CBFA2T3: variants seen among roughly 807,000 people sequenced by gnomAD.
The protein encoded by CBFA2T3 is transcriptional corepressor CBFA2T3.
CBFA2T3 carries 31 observed loss-of-function variants against 58.6 expected under a neutral mutation model. The ratio of observed to expected loss-of-function variants is 0.53; its 90% CI spans 0.40 to 0.71. CBFA2T3 has a LOEUF of 0.71. Among genes scored for constraint, CBFA2T3 ranks in the 30% least tolerant of loss-of-function variants. The pLI, the probability that CBFA2T3 is intolerant of heterozygous loss-of-function variation, is 0.00. For synonymous variants in CBFA2T3, 531 were observed against 421.9 expected (o/e 1.26, Z -3.17); for missense variants, 1,076 against 963.1 (o/e 1.12, Z -1.55).
At chr16:88,914,096 C>T (rs1245177043) in intron 1 of CBFA2T3, among the ~76,000 whole-genome samples, 1 of 152,212 alleles carries the variant, frequency 6.6e-6, no homozygotes, top group African/African-American at 2.4e-5. Flanking sequence ...AAAGGACAGG[C>T]CCACCAAGTA....
intron 1 of CBFA2T3, among the ~76,000 whole-genome samples, chr16:88,932,647 TAAGTA>T (rs1971350920): frequency 6.8e-6 from 1 of 146,312 alleles, no homozygotes; most frequent in African/African-American, 2.6e-5. Flanking sequence ...ACCCCGACTA[TAAGTA>T]AAGGGAAAAA....
At chr16:88,879,208 G>T (rs1174313109) in intron 11 of CBFA2T3, 62 bp downstream of exon 11, 1 of 1,397,772 alleles carries the variant, frequency 7.2e-7, no homozygotes, top group Non-Finnish European at 9.8e-7. Context: ...TCATGGGGGT[G>T]GCGTGGGACC....
chr16:88,919,182 C>G (rs914187116), intron 1 of CBFA2T3, among the ~76,000 whole-genome samples: 2 of 151,796 alleles, frequency 1.3e-5, no homozygotes, highest in African/African-American at 2.4e-5. Context: ...TCTCCTCTGC[C>G]TTTGCCTCTT....
Position 88,953,714 on chromosome 16 carries a change from G to A in CBFA2T3, c.151+22943C>T, listed in dbSNP as rs74033217. 0.03 allele frequency among the ~76,000 whole-genome samples: 4,555 copies of A among 152,244 alleles called. 239 individuals carry two copies. Among genetic ancestry groups the A allele is most frequent in the African/African-American group, 0.1 (4,332 of 41,504 alleles). On this transcript the variant is annotated intron_variant, in intron 1 of 11. Transcript: ENST00000268679. The surrounding 1 kb of genome is among the most constrained non-coding windows in gnomAD (Gnocchi z 4.9). ...GTATTCGGCACCCTGAGACCCTTAT[G>A]TCTGCCTATTGAAGGCACAGTTTAC...
At chr16:88,897,399 T>A (rs1432109771) in intron 3 of CBFA2T3, among the ~76,000 whole-genome samples, 1 of 152,228 alleles carries the variant, frequency 6.6e-6, no homozygotes, top group Non-Finnish European at 1.5e-5. Flanking sequence ...CCGGAGTCTG[T>A]CTGATGGGCT....
intron 1 of CBFA2T3, among the ~76,000 whole-genome samples, chr16:88,929,939 C>G (rs1226263418): frequency 6.7e-6 from 1 of 148,174 alleles, no homozygotes; most frequent in Non-Finnish European, 1.5e-5. Flanking sequence ...CCAATACCCA[C>G]AGCTGCATGG....
intron 5 of CBFA2T3, among the ~76,000 whole-genome samples, chr16:88,888,724 T>C (rs1393557691): frequency 2.0e-5 from 3 of 151,292 alleles, no homozygotes; most frequent in Non-Finnish European, 4.4e-5. Flanking sequence ...TATTTTTTAT[T>C]TTTGAATCCT....
Position 88,977,050 on chromosome 16 carries a change from G to A in CBFA2T3, c.-243C>T, listed in dbSNP as rs1472076798. Reference sequence around the variant, plus strand: ...GACGCGGGGCGGGCCTGGGGCTGCAGGCTGGGGAAGGTCTCCCTGCAGCCT... The same window carrying A: ...GACGCGGGGCGGGCCTGGGGCTGCAAGCTGGGGAAGGTCTCCCTGCAGCCT... On this transcript the variant is annotated 5_prime_UTR_variant, in exon 1 of 12. Transcript: ENST00000268679. 1 of 446,712 alleles carries A rather than the reference G, an allele frequency of 2.2e-6. No homozygotes were observed. The highest frequency in any genetic ancestry group is 1.9e-5 in the African/African-American group (1 of 51,550). 27.7% of individuals were successfully genotyped at this position (446,712 alleles called of 1,614,324 possible).
intron 1 of CBFA2T3, among the ~76,000 whole-genome samples, chr16:88,928,518 C>A (rs1438692933): frequency 6.6e-6 from 1 of 152,246 alleles, no homozygotes; most frequent in African/African-American, 2.4e-5. Context: ...AGCTTGCAGG[C>A]AGCCCAGCCG....
chr16:88,875,113 CCACA>C lies in CBFA2T3; in HGVS notation c.*1859_*1862del, dbSNP rs200368454. The C allele has an allele frequency of 2.9e-4, 68 of 237,206 alleles. No homozygotes were observed. The highest frequency in any genetic ancestry group is 4.7e-4 in the Non-Finnish European group (56 of 120,354). The allele number at this position is 237,206 out of a possible 1,614,324, so 14.7% of individuals were successfully genotyped here. ...CACAGATGCCAGGCCACGGGCCACG[CCACA>C]CACACAGATGCCAGGCCACGGGCCA... On this transcript the variant is annotated 3_prime_UTR_variant, in exon 12 of 12. Transcript: ENST00000268679.
intron 1 of CBFA2T3, among the ~76,000 whole-genome samples, chr16:88,960,768 C>G (rs1443259757): frequency 6.6e-6 from 1 of 152,340 alleles, no homozygotes; most frequent in Non-Finnish European, 1.5e-5. Context: ...CATGTAGAAA[C>G]AAACCTTGTT....
At chr16:88,976,291 A>G (rs1972858554) in intron 1 of CBFA2T3, among the ~76,000 whole-genome samples, 1 of 152,108 alleles carries the variant, frequency 6.6e-6, no homozygotes, top group Non-Finnish European at 1.5e-5. Flanking sequence ...AGGGCATCCC[A>G]GGAGGAGGAG....
At chr16:88,895,574 AG>A (rs1171254787) in intron 3 of CBFA2T3, among the ~76,000 whole-genome samples, 25 of 151,986 alleles carry the variant, frequency 1.6e-4, no homozygotes, top group African/African-American at 5.8e-4. Context: ...ACAGTGGCAC[AG>A]GGGGGAGGCC....
intron 1 of CBFA2T3, chr16:88,951,578 C>G (rs958365689): frequency 2.2e-5 from 8 of 364,490 alleles, no homozygotes; most frequent in Non-Finnish European, 3.7e-5. Context: ...TCCCTCCCCT[C>G]GGGTCTGTGG....
chr16:88,888,123 G>T (rs1455410264), intron 5 of CBFA2T3, among the ~76,000 whole-genome samples: 3 of 151,954 alleles, frequency 2.0e-5, no homozygotes, highest in Admixed American at 6.6e-5. Flanking sequence ...CCACCACCCC[G>T]TGAGGGAGAT....
intron 3 of CBFA2T3, among the ~76,000 whole-genome samples, chr16:88,896,997 C>A (rs1019561564): frequency 6.6e-6 from 1 of 152,266 alleles, no homozygotes; most frequent in Non-Finnish European, 1.5e-5. Flanking sequence ...TTAGACCGCA[C>A]ACGTGTCCCC....
chr16:88,971,633 T>C (rs62045813), intron 1 of CBFA2T3, among the ~76,000 whole-genome samples: 357 of 152,348 alleles, frequency 2.3e-3, no homozygotes, highest in Admixed American at 8.5e-3. Flanking sequence ...CAGGCCGGCC[T>C]CTGGCTTTGT....
Position 88,907,785 on chromosome 16 carries a change from C to T in CBFA2T3, c.152-6129G>A, listed in dbSNP as rs151220049. On this transcript the variant is annotated intron_variant, in intron 1 of 11. Coordinates refer to ENST00000268679, the MANE Select transcript of CBFA2T3 (RefSeq NM_005187.6). ...ACTGACGGTGGCATCTTCTAATTGT[C>T]CCCTCACCCCAGAGCAGGGGCTTTG... 3.0e-4 allele frequency among the ~76,000 whole-genome samples: 46 copies of T among 152,340 alleles called. No individual in the cohort carries two copies. The East Asian group carries it at 8.3e-3, about 27-fold the overall frequency.
At chr16:88,916,518 G>T (rs890105481) in intron 1 of CBFA2T3, among the ~76,000 whole-genome samples, 1 of 152,152 alleles carries the variant, frequency 6.6e-6, no homozygotes, top group African/African-American at 2.4e-5. Flanking sequence ...GCGTGTGCAT[G>T]TTGTCTGGTA....
Sources: allele counts gnomAD v4.1 joint callset (sites outside exome capture counted in the v4.1 genomes callset), GRCh38; gene constraint gnomAD v4.1.1; non-coding constraint Gnocchi (gnomAD v3.1); transcripts MANE v1.5; gene names NCBI Gene and HGNC (gene_info 2026-07-23, HGNC 2026-07-21).